Variants in FAM13A observed in about 807,000 individuals in gnomAD.
FAM13A encodes the protein protein FAM13A.
Under a neutral mutation model 129.6 loss-of-function variants are expected in FAM13A, and 76 were observed. The ratio of observed to expected loss-of-function variants is 0.59; its 90% CI spans 0.49 to 0.71. FAM13A has a LOEUF of 0.71. Among genes scored for constraint, FAM13A ranks in the 30% least tolerant of loss-of-function variants. The probability of loss-of-function intolerance (pLI) is 0.00; values close to 1 mark genes in which losing one functional copy is unlikely to be tolerated. For synonymous variants in FAM13A, 443 were observed against 449.9 expected (o/e 0.98, Z 0.20); for missense variants, 1,108 against 1,249.3 (o/e 0.89, Z 1.70).
At chr4:89,029,753 GT>G (rs1768445211) in intron 1 of FAM13A, 104 bp from the exon 2 acceptor site, 1 of 949,070 alleles carries the variant, frequency 1.1e-6, no homozygotes, top group East Asian at 2.5e-5. Flanking sequence ...AAGATGAATA[GT>G]TGTGGTCTTA....
chr4:88,882,928 A>T (rs1409114824), intron 6 of FAM13A, among the ~76,000 whole-genome samples: 1 of 152,186 alleles, frequency 6.6e-6, no homozygotes, highest in Non-Finnish European at 1.5e-5. Flanking sequence ...GGGACATTAT[A>T]TAATGATTAA....
Position 88,764,843 on chromosome 4 carries a change from C to T in FAM13A, c.1578+2710G>A, listed in dbSNP as rs117376279. On this transcript the variant is annotated intron_variant, in intron 13 of 23. Coordinates refer to ENST00000264344, the MANE Select transcript of FAM13A (RefSeq NM_014883.4). ...TTTTTTTCTCATTGCCAGTGTGTCA[C>T]TAAACAAATTTTAATCCAAACCACA... 7.9e-3 allele frequency among the ~76,000 whole-genome samples: 1,200 copies of T among 152,162 alleles called. 48 individuals are homozygous for T. The highest frequency in any genetic ancestry group is 0.014 in the East Asian group (72 of 5,188).
intron 12 of FAM13A, 31 bp from the exon 13 acceptor site, chr4:88,767,626 TA>T: frequency 1.3e-6 from 2 of 1,520,140 alleles, no homozygotes; most frequent in Non-Finnish European, 1.8e-6. Context: ...AAAAAAATCA[TA>T]AAATATCTAC....
chr4:88,848,159 T>C (rs765510740), intron 7 of FAM13A, among the ~76,000 whole-genome samples: 6 of 152,188 alleles, frequency 3.9e-5, no homozygotes, highest in Admixed American at 6.5e-5. Context: ...CTGTTCCTCA[T>C]TGGCCAAGGC....
chr4:88,774,455 G>T (rs948392481), intron 11 of FAM13A, among the ~76,000 whole-genome samples: 1 of 152,154 alleles, frequency 6.6e-6, no homozygotes. Context: ...TAAGTCAGTG[G>T]TTCACATTGT....
intron 3 of FAM13A, among the ~76,000 whole-genome samples, chr4:88,992,273 CT>C (rs112237454): frequency 0.69 from 101,241 of 146,480 alleles, 34,789 homozygotes; most frequent in Middle Eastern, 0.78. Context: ...TTTTCTTCTT[CT>C]TTTTTTTTTT....
chr4:88,924,816 G>T (rs1021354103), intron 5 of FAM13A, among the ~76,000 whole-genome samples: 5 of 150,596 alleles, frequency 3.3e-5, no homozygotes, highest in African/African-American at 1.2e-4. Flanking sequence ...CTGACAAAGG[G>T]CTAATATCCA....
At chr4:88,813,512 G>A (rs1282334885) in intron 7 of FAM13A, among the ~76,000 whole-genome samples, 1 of 152,128 alleles carries the variant, frequency 6.6e-6, no homozygotes, top group African/African-American at 2.4e-5. Flanking sequence ...GGGGATACCT[G>A]TAGAAGGAAA....
intron 6 of FAM13A, among the ~76,000 whole-genome samples, chr4:88,853,969 C>G (rs1738059088): frequency 6.6e-6 from 1 of 152,212 alleles, no homozygotes; most frequent in South Asian, 2.1e-4. Flanking sequence ...GCCAGGGGCT[C>G]TTGGGCCTTT....
chr4:88,991,461 T>A (rs942068726), intron 3 of FAM13A, among the ~76,000 whole-genome samples: 12 of 151,868 alleles, frequency 7.9e-5, no homozygotes, highest in African/African-American at 2.9e-4. Context: ...ATAATAATAA[T>A]AAAAAGAATT....
In FAM13A at chr4:88,997,080, G is replaced by A. The variant is rs111232889; in HGVS notation, c.428-5930C>T. Among the ~76,000 whole-genome samples, 50 of 152,286 alleles carry A rather than the reference G, an allele frequency of 3.3e-4. 1 individual carries two copies. The highest frequency in any genetic ancestry group is 1.2e-3 in the African/African-American group (49 of 41,548). On this transcript the variant is annotated intron_variant, in intron 3 of 23. Coordinates refer to ENST00000264344, the MANE Select transcript of FAM13A (RefSeq NM_014883.4). ...AGAAAAAGCTCCTTTAGTGGTCACA[G>A]GGAAAGGACACTCAGCAATAAAATT... is the stretch of plus-strand genomic sequence containing the variant.
At chr4:88,858,365 G>A (rs950565874) in intron 6 of FAM13A, among the ~76,000 whole-genome samples, 2 of 152,224 alleles carry the variant, frequency 1.3e-5, no homozygotes, top group African/African-American at 2.4e-5. Context: ...ACTGAGCAGT[G>A]TAGGAATTAA....
At chr4:88,795,053 C>G (rs1725889501) in intron 8 of FAM13A, among the ~76,000 whole-genome samples, 1 of 151,718 alleles carries the variant, frequency 6.6e-6, no homozygotes, top group African/African-American at 2.4e-5. Flanking sequence ...GTTTTAACCT[C>G]TAGCTATGAT....
Position 88,985,448 on chromosome 4 carries a change from G to A in FAM13A, c.605+5525C>T, listed in dbSNP as rs149919610. Among the ~76,000 whole-genome samples the A allele has an allele frequency of 2.4e-3, 369 of 152,158 alleles. 3 individuals carry two copies. The highest frequency in any genetic ancestry group is 8.1e-3 in the African/African-American group (336 of 41,496). On this transcript the variant is annotated intron_variant, in intron 4 of 23. Coordinates refer to ENST00000264344, the MANE Select transcript of FAM13A (RefSeq NM_014883.4). ...ATATACTTCACATGGCAAATTGTAC[G>A]GTATATAAACGGTGTCTCAATAAAA... is the stretch of plus-strand genomic sequence containing the variant.
chr4:89,051,026 A>T (rs1771524011), intron 1 of FAM13A, among the ~76,000 whole-genome samples: 1 of 152,140 alleles, frequency 6.6e-6, no homozygotes, highest in Admixed American at 6.6e-5. Flanking sequence ...TGATTCTACT[A>T]AATAGAGAAC....
chr4:88,770,448 G>A (rs906327774), intron 11 of FAM13A, among the ~76,000 whole-genome samples: 4 of 152,080 alleles, frequency 2.6e-5, no homozygotes, highest in Non-Finnish European at 5.9e-5. Context: ...TCACAACAGT[G>A]TCAATGAAAT....
intron 6 of FAM13A, among the ~76,000 whole-genome samples, chr4:88,870,487 C>T (rs933708092): frequency 2.6e-5 from 4 of 152,302 alleles, no homozygotes; most frequent in Non-Finnish European, 4.4e-5. Context: ...TTATACCCCG[C>T]GCCTGGCTTG....
intron 3 of FAM13A, among the ~76,000 whole-genome samples, chr4:89,017,413 C>T (rs1708661): frequency 0.45 from 68,328 of 151,702 alleles, 16,007 homozygotes; most frequent in African/African-American, 0.57. Context: ...TGAGGAATCA[C>T]GTCATAAAGA....
In FAM13A at chr4:89,051,883, A is replaced by C. The variant is rs76397023; in HGVS notation, c.27+5055T>G. Among the ~76,000 whole-genome samples the C allele has an allele frequency of 8.4e-3, 1,287 of 152,310 alleles. 17 individuals are homozygous for C. The highest frequency in any genetic ancestry group is 0.029 in the African/African-American group (1,206 of 41,576). ...TGGCTCAATCTCTGACCTTCAGGCC[A>C]CTGGGACCTGCCTCCACATCTTTGC... On this transcript the variant is annotated intron_variant, in intron 1 of 23. Coordinates refer to ENST00000264344, the MANE Select transcript of FAM13A (RefSeq NM_014883.4).
Sources: allele counts gnomAD v4.1 joint callset (sites outside exome capture counted in the v4.1 genomes callset), GRCh38; gene constraint gnomAD v4.1.1; transcripts MANE v1.5; gene names NCBI Gene and HGNC (gene_info 2026-07-23, HGNC 2026-07-21).